RB1CC1: variants seen among roughly 807,000 people sequenced by gnomAD.
RB1CC1 encodes RB1 inducible coiled-coil 1, also known as RB1-inducible coiled-coil protein 1.
RB1CC1 carries 46 observed loss-of-function variants against 177.5 expected under a neutral mutation model. The observed-to-expected ratio is 0.26, with a 90% CI of 0.20 to 0.33. RB1CC1 has a LOEUF of 0.33. Ranked by LOEUF, RB1CC1 falls within the 10% of genes least tolerant of loss-of-function variation. RB1CC1 has a pLI of 1.00. For missense variants in RB1CC1, 1,703 were observed against 1,816.3 expected, an observed-to-expected ratio of 0.94 and a Z score of 1.13; for synonymous variants, 666 against 613.6, an observed-to-expected ratio of 1.09 and a Z score of -1.26.
At position 52,683,738 on chromosome 8, in the gene RB1CC1, G is replaced by T; in HGVS notation, c.199-19C>A. On this transcript the variant is annotated intron_variant, in intron 4 of 23. Coordinates refer to ENST00000025008, the MANE Select transcript of RB1CC1 (RefSeq NM_014781.5). ...TTGTATCCTATATTTTTTAAAAAAG[G>T]AGAAATAACCAAAATAAAATGTTAT... The T allele has an allele frequency of 6.4e-7, 1 of 1,559,130 alleles. No homozygotes were observed. The highest frequency in any genetic ancestry group is 8.7e-7 in the Non-Finnish European group (1 of 1,151,474).
In RB1CC1 at chr8:52,673,969, G is replaced by A. The variant is rs202008366; in HGVS notation, c.878C>T (p.Thr293Met). The A allele has an allele frequency of 7.5e-5, 121 of 1,614,080 alleles. No homozygotes were observed. Among genetic ancestry groups the A allele is most frequent in the African/African-American group, 5.3e-5 (4 of 75,020 alleles). The change falls in exon 7 of 24, where the codon ACG becomes ATG. Residue 293 changes from threonine (T) to methionine (M), a missense_variant. This residue lies in a region of RB1CC1 where 315 missense variants were observed against 304.9 expected (regional missense o/e 1.03). Transcript: ENST00000025008. ...QSTVHQQDET[T>M]IDTKDGDLPF... ...CAGATCACCATCTTTAGTGTCAATC[G>A]TAGTTTCATCTTGCTGATGAACAGT...
Position 52,686,914 on chromosome 8 carries a change from T to A in RB1CC1, c.-113A>T. ...AAAAGTAGATTAAAACTGGCTTATG[T>A]TTGCTTTGCTTGAGATTGGCAACTG... On this transcript the variant is annotated 5_prime_UTR_variant, in exon 2 of 24. Transcript: ENST00000025008. The A allele has an allele frequency of 2.2e-6, 1 of 456,670 alleles. No homozygotes were observed. Among genetic ancestry groups the A allele is most frequent in the South Asian group, 1.5e-5 (1 of 64,546 alleles). 28.3% of individuals were successfully genotyped at this position (456,670 alleles called of 1,614,324 possible). A position where few individuals can be genotyped will look rare whatever the true frequency, so the allele number is the denominator to read the frequency against.
intron 20 of RB1CC1, among the ~76,000 whole-genome samples, chr8:52,634,400 C>A (rs770865045): frequency 6.6e-6 from 1 of 151,984 alleles, no homozygotes; most frequent in Non-Finnish European, 1.5e-5. Flanking sequence ...GCGCAGCACA[C>A]TTGTAATCCC....
intron 1 of RB1CC1, among the ~76,000 whole-genome samples, chr8:52,704,359 C>T (rs1856369197): frequency 6.6e-6 from 1 of 151,458 alleles, no homozygotes; most frequent in South Asian, 2.1e-4. Flanking sequence ...AAGCACATTA[C>T]CTGCCTTCCA....
intron 12 of RB1CC1, among the ~76,000 whole-genome samples, chr8:52,660,002 A>C (rs1851468878): frequency 1.3e-5 from 2 of 152,174 alleles, no homozygotes; most frequent in Non-Finnish European, 2.9e-5. Context: ...TGTCTCCAAA[A>C]CAACAACAAC....
At position 52,676,413 on chromosome 8, in the gene RB1CC1, T is replaced by G; in HGVS notation, c.528A>C (p.Ser176=). The G allele has an allele frequency of 6.2e-7, 1 of 1,612,658 alleles. No homozygotes were observed. Among genetic ancestry groups the G allele is most frequent in the South Asian group, 1.1e-5 (1 of 90,696 alleles). The change falls in exon 6 of 24, where the codon TCA becomes TCC. Residue 176 remains serine, a synonymous_variant. Transcript: ENST00000025008. The part of the protein sequence containing the change: ...KLLFKFESIY[S]NYLQSIEDIK... ...TGTCTTCTATGGACTGCAGATAATT[T>G]GAATAAATACTTTCAAACTTGAAAA...
At chr8:52,645,601 T>G in intron 16 of RB1CC1, 101 bp downstream of exon 16, 2 of 1,199,340 alleles carry the variant, frequency 1.7e-6, no homozygotes, top group East Asian at 5.1e-5. Flanking sequence ...GAACATCACA[T>G]CTAAGATATA....
chr8:52,659,675 A>T (rs1851433470), intron 12 of RB1CC1, among the ~76,000 whole-genome samples: 1 of 152,234 alleles, frequency 6.6e-6, no homozygotes, highest in Admixed American at 6.5e-5. Context: ...TAAAACACTA[A>T]GAAATCCTGC....
At chr8:52,672,020 A>G (rs928827232) in intron 7 of RB1CC1, among the ~76,000 whole-genome samples, 2 of 152,222 alleles carry the variant, frequency 1.3e-5, no homozygotes, top group African/African-American at 2.4e-5. Flanking sequence ...TATCACAAAG[A>G]CTTCAGATGT....
At chr8:52,706,138 T>C (rs934059156) in intron 1 of RB1CC1, among the ~76,000 whole-genome samples, 1 of 114,770 alleles carries the variant, frequency 8.7e-6, no homozygotes, top group African/African-American at 2.8e-5. Flanking sequence ...AAAACACATA[T>C]CCATTAAAAA....
intron 1 of RB1CC1, among the ~76,000 whole-genome samples, chr8:52,700,722 C>T (rs76429115): frequency 0.012 from 1,819 of 152,208 alleles, 41 homozygotes; most frequent in African/African-American, 0.042. Flanking sequence ...ATATGCTTTA[C>T]TAAATAAAGG....
chr8:52,672,780 T>A (rs1852724383), intron 7 of RB1CC1, among the ~76,000 whole-genome samples: 1 of 152,146 alleles, frequency 6.6e-6, no homozygotes, highest in Non-Finnish European at 1.5e-5. Context: ...TTAATTATTC[T>A]GATCACAATC....
Position 52,656,569 on chromosome 8 carries a change from T to C in RB1CC1, c.3260A>G (p.Glu1087Gly), listed in dbSNP as rs768089320. The part of the protein sequence containing the change: ...LLEESRAQQK[E>G]TLKSLLEQET... Reference sequence around the variant, plus strand: ...TTGTTCAAGAAGAGATTTCAAGGTCTCCTTCTGCTGGGCTCTGCTTTCTTC... The same window carrying C: ...TTGTTCAAGAAGAGATTTCAAGGTCCCCTTCTGCTGGGCTCTGCTTTCTTC... Residue 1087 changes from glutamate (E) to glycine (G), a missense_variant, in exon 15 of 24, where the codon GAG becomes GGG. Glu to Gly is a moderately conservative substitution (Grantham distance 98). Around this residue, in one of 6 missense-constraint regions of RB1CC1, gnomAD observed 1,169 missense variants for 1,184.7 expected, o/e 0.99. Coordinates refer to ENST00000025008, the MANE Select transcript of RB1CC1 (RefSeq NM_014781.5). 1 of 1,611,418 alleles carries C rather than the reference T, an allele frequency of 6.2e-7. No homozygotes were observed. The highest frequency in any genetic ancestry group is 1.1e-5 in the South Asian group (1 of 90,698).
At chr8:52,641,612 T>A (rs1379280252) in intron 18 of RB1CC1, among the ~76,000 whole-genome samples, 1 of 152,024 alleles carries the variant, frequency 6.6e-6, no homozygotes, top group African/African-American at 2.4e-5. Flanking sequence ...CTTTTGGTAA[T>A]CACTTGTTCG....
intron 5 of RB1CC1, among the ~76,000 whole-genome samples, chr8:52,680,992 GTGTT>G (rs1187373072): frequency 3.4e-5 from 4 of 119,182 alleles, no homozygotes; most frequent in African/African-American, 8.1e-5. Context: ...GTGTGTGTGT[GTGTT>G]TTTTTTTTTT....
intron 1 of RB1CC1, among the ~76,000 whole-genome samples, chr8:52,701,975 T>C (rs761456537): frequency 6.6e-6 from 1 of 151,860 alleles, no homozygotes; most frequent in East Asian, 2.0e-4. Context: ...GTCCAGCTCA[T>C]TTTTGTATTT....
At chr8:52,633,011 T>C (rs1848873634) in intron 20 of RB1CC1, among the ~76,000 whole-genome samples, 1 of 152,174 alleles carries the variant, frequency 6.6e-6, no homozygotes, top group Admixed American at 6.5e-5. Context: ...CTAATCACAG[T>C]TTCAAAATAA....
chr8:52,645,699 G>A lies in RB1CC1; in HGVS notation c.3987+3C>T. The A allele has an allele frequency of 6.2e-7, 1 of 1,610,948 alleles. No individual in the cohort carries two copies. The highest frequency in any genetic ancestry group is 8.5e-7 in the Non-Finnish European group (1 of 1,178,674). ...CAAATGAAATGGGAAAAGAGATACA[G>A]ACCTGTTGTTCCGCAATCAAAGATG... On this transcript the variant is annotated splice_donor_region_variant and intron_variant, in intron 16 of 23. Coordinates refer to ENST00000025008, the MANE Select transcript of RB1CC1 (RefSeq NM_014781.5).
intron 8 of RB1CC1, among the ~76,000 whole-genome samples, chr8:52,665,696 T>C (rs775132765): frequency 7.5e-4 from 114 of 152,176 alleles, no homozygotes; most frequent in Admixed American, 1.3e-3. Flanking sequence ...ACAAGCTCCC[T>C]GTGGCTCTAG....
Sources: allele counts gnomAD v4.1 joint callset (sites outside exome capture counted in the v4.1 genomes callset), GRCh38; gene constraint gnomAD v4.1.1; regional missense constraint gnomAD v4.1.1; transcripts MANE v1.5; gene names NCBI Gene and HGNC (gene_info 2026-07-23, HGNC 2026-07-21).